Variants in CCDC195 observed in about 807,000 individuals in gnomAD.
CCDC195 encodes coiled-coil domain-containing protein 195.
chr2:224,713,263 A>G (rs1689342051), intron 1 of CCDC195, among the ~76,000 whole-genome samples: 1 of 152,206 alleles, frequency 6.6e-6, no homozygotes, highest in Admixed American at 6.5e-5. Flanking sequence ...ACTACTGATA[A>G]AAACTTATGC....
intron 1 of CCDC195, among the ~76,000 whole-genome samples, chr2:224,713,803 A>ATT (rs59559911): frequency 0.6 from 81,962 of 136,554 alleles, 25,754 homozygotes; most frequent in East Asian, 0.75. Context: ...TTTCACCAGT[A>ATT]TTTTTTTTTT....
chr2:224,704,588 C>CT (rs1697215063), intron 2 of CCDC195, among the ~76,000 whole-genome samples: 1 of 113,844 alleles, frequency 8.8e-6, no homozygotes, highest in South Asian at 2.7e-4. Flanking sequence ...CACAGCTGCA[C>CT]CTTTTTTTTT....
Position 224,706,356 on chromosome 2 carries a change from C to T in CCDC195, c.483-2469G>A, listed in dbSNP as rs377153327. ...AGTAGCTGGGACTACAGGCATACAC[C>T]GCCACACCTGGCTAAGTTTTGTATT... On this transcript the variant is annotated intron_variant, in intron 2 of 2. Coordinates refer to ENST00000638102, the Ensembl canonical transcript of CCDC195. Among the ~76,000 whole-genome samples the T allele has an allele frequency of 1.2e-3, 180 of 150,614 alleles. 3 individuals are homozygous for T. The South Asian group carries it at 0.035, about 29-fold the overall frequency.
At chr2:224,711,042 C>T (rs1287625716) in intron 1 of CCDC195, among the ~76,000 whole-genome samples, 1 of 152,210 alleles carries the variant, frequency 6.6e-6, no homozygotes, top group African/African-American at 2.4e-5. Flanking sequence ...CTTCTTACTC[C>T]TGATTCTAGA....
intron 2 of CCDC195, among the ~76,000 whole-genome samples, chr2:224,709,511 C>CCTTAGT (rs1689283080): frequency 1.3e-5 from 2 of 152,196 alleles, no homozygotes; most frequent in African/African-American, 4.8e-5. Flanking sequence ...TTTCCCCTAA[C>CCTTAGT]GCCCACTAAG....
intron 1 of CCDC195, among the ~76,000 whole-genome samples, chr2:224,715,740 T>C (rs541552889): frequency 7.2e-4 from 110 of 152,300 alleles, no homozygotes; most frequent in South Asian, 3.1e-3. Context: ...TCCATTCCCT[T>C]ATCTGGTGTG....
At chr2:224,706,916 C>G (rs997207402) in intron 2 of CCDC195, among the ~76,000 whole-genome samples, 1 of 151,536 alleles carries the variant, frequency 6.6e-6, no homozygotes, top group East Asian at 1.9e-4. Context: ...TACACACACG[C>G]GCACTTTTTT....
At chr2:224,710,279 G>A in intron 1 of CCDC195, 60 bp from the exon 2 acceptor site, 1 of 397,918 alleles carries the variant, frequency 2.5e-6, no homozygotes, top group Non-Finnish European at 4.4e-6. Flanking sequence ...ACTCACAAAT[G>A]AAAAATGATA....
At chr2:224,713,371 C>G (rs1689344042) in intron 1 of CCDC195, among the ~76,000 whole-genome samples, 2 of 152,166 alleles carry the variant, frequency 1.3e-5, no homozygotes, top group Non-Finnish European at 2.9e-5. Context: ...TATCTTTACT[C>G]CTCTCAACAG....
At chr2:224,708,919 G>A (rs1003703609) in intron 2 of CCDC195, among the ~76,000 whole-genome samples, 8 of 152,126 alleles carry the variant, frequency 5.3e-5, no homozygotes, top group African/African-American at 1.9e-4. Context: ...TAGGGATGCA[G>A]AGTGTGGGAG....
At chr2:224,704,815 T>C (rs1697221654) in intron 2 of CCDC195, among the ~76,000 whole-genome samples, 1 of 152,108 alleles carries the variant, frequency 6.6e-6, no homozygotes. Flanking sequence ...AGAGACGAGT[T>C]TTCGCCATGT....
Position 224,710,103 on chromosome 2 carries a change from T to A in CCDC195, c.352A>T (p.Arg118Ter), listed in dbSNP as rs970130497. The change falls in exon 2 of 3, where the codon AGA (arginine) becomes TGA (stop). Residue 118 changes from arginine to a stop codon, truncating the protein, a stop_gained. Coordinates refer to ENST00000638102, the Ensembl canonical transcript of CCDC195. LOFTEE classifies it high-confidence loss of function. ...GAACATGCCAATGACTTCAGTGTTC[T>A]CTGACCTTCTAGAATTCCGCTCTTT... 4 of 398,522 alleles carry A rather than the reference T, an allele frequency of 1.0e-5. No individual in the cohort carries two copies. Among genetic ancestry groups the A allele is most frequent in the South Asian group, 1.3e-4 (1 of 7,868 alleles). 24.7% of individuals were successfully genotyped at this position (398,522 alleles called of 1,614,324 possible). A position where few individuals can be genotyped will look rare whatever the true frequency, so the allele number is the denominator to read the frequency against.
chr2:224,715,281 A>G (rs1689365123), intron 1 of CCDC195, among the ~76,000 whole-genome samples: 1 of 152,132 alleles, frequency 6.6e-6, no homozygotes, highest in East Asian at 1.9e-4. Context: ...TTCTTTCAAT[A>G]TGGTGTGTGT....
chr2:224,712,853 C>CCCTTCCTT (rs569012803), intron 1 of CCDC195, among the ~76,000 whole-genome samples: 14 of 150,670 alleles, frequency 9.3e-5, no homozygotes, highest in Admixed American at 8.6e-4. Context: ...TTCCCTCCCT[C>CCCTTCCTT]CCTTCCTTCC....
chr2:224,709,249 T>C (rs1195985095), intron 2 of CCDC195, among the ~76,000 whole-genome samples: 6 of 151,966 alleles, frequency 3.9e-5, no homozygotes, highest in African/African-American at 1.5e-4. Context: ...CCACCATGCC[T>C]GGCTAATTTT....
intron 2 of CCDC195, among the ~76,000 whole-genome samples, chr2:224,705,179 A>C (rs1697227818): frequency 6.6e-6 from 1 of 152,144 alleles, no homozygotes. Context: ...TGGCCATCTG[A>C]TTCTGGAAGC....
chr2:224,704,043 T>C (rs1364447008), intron 2 of CCDC195, among the ~76,000 whole-genome samples, 156 bp from the exon 3 acceptor site: 1 of 152,178 alleles, frequency 6.6e-6, no homozygotes, highest in Non-Finnish European at 1.5e-5. Flanking sequence ...TGTTCAACAA[T>C]GATGTAAGGA....
At chr2:224,708,317 T>C (rs996210038) in intron 2 of CCDC195, among the ~76,000 whole-genome samples, 1 of 152,220 alleles carries the variant, frequency 6.6e-6, no homozygotes, top group Non-Finnish European at 1.5e-5. Flanking sequence ...ATTCTGGCTT[T>C]CCAATAATTT....
intron 1 of CCDC195, among the ~76,000 whole-genome samples, chr2:224,712,524 C>A (rs1689328187): frequency 6.6e-6 from 1 of 152,182 alleles, no homozygotes; most frequent in Non-Finnish European, 1.5e-5. Context: ...TGTGTCTGGG[C>A]TGTAGCGTAG....
Sources: gnomAD v4.1 joint callset for allele counts (sites outside exome capture counted in the v4.1 genomes callset) on GRCh38, gnomAD v4.1.1 for gene constraint, MANE v1.5 for transcripts, NCBI Gene and HGNC (gene_info 2026-07-23, HGNC 2026-07-21) for gene names.